SORL1: variants seen among roughly 807,000 people sequenced by gnomAD.
SORL1 encodes the protein sortilin-related receptor.
SORL1 carries 127 observed loss-of-function variants against 273.7 expected under a neutral mutation model. That is an observed-to-expected ratio of 0.46 (90% confidence interval 0.40 to 0.54). The LOEUF (loss-of-function observed/expected upper bound fraction) is 0.54, where lower values mean the gene tolerates loss of function less well. Among genes scored for constraint, SORL1 ranks in the 20% least tolerant of loss-of-function variants. The pLI is 0.00. For missense variants in SORL1, 2,494 were observed against 2,846.1 expected (o/e 0.88, Z 2.81); for synonymous variants, 1,031 against 1,067.4 (o/e 0.97, Z 0.66).
intron 32 of SORL1, among the ~76,000 whole-genome samples, chr11:121,602,664 G>C (rs1442022407): frequency 6.6e-6 from 1 of 152,146 alleles, no homozygotes; most frequent in African/African-American, 2.4e-5. Flanking sequence ...CACATGCCTG[G>C]GTCTGAAGTG....
intron 3 of SORL1, among the ~76,000 whole-genome samples, chr11:121,482,337 G>T (rs1036102143): frequency 6.6e-6 from 1 of 152,172 alleles, no homozygotes; most frequent in Non-Finnish European, 1.5e-5. Flanking sequence ...CCTCCGAGTG[G>T]TGTGTCTTAG....
At chr11:121,477,411 T>C (rs936165726) in intron 2 of SORL1, among the ~76,000 whole-genome samples, 9 of 152,312 alleles carry the variant, frequency 5.9e-5, no homozygotes, top group African/African-American at 2.2e-4. Flanking sequence ...GCAAAACAAA[T>C]CCTCCGTTCC....
At position 121,550,785 on chromosome 11, in the gene SORL1, C is replaced by A; in HGVS notation, c.2266+115C>A. On this transcript the variant is annotated intron_variant, in intron 16 of 47. Coordinates refer to ENST00000260197, the MANE Select transcript of SORL1 (RefSeq NM_003105.6). The surrounding 1 kb of genome is among the most constrained non-coding windows in gnomAD (Gnocchi z 5.3). ...TAATTGAGTGGAGAAAAACAATGGC[C>A]GTCACAAGCATCACAGGGCTTCCTC... is the stretch of plus-strand genomic sequence containing the variant. The A allele has an allele frequency of 1.3e-6, 1 of 761,258 alleles. No individual in the cohort carries two copies. The highest frequency in any genetic ancestry group is 1.8e-5 in the South Asian group (1 of 54,538). 47.2% of individuals were successfully genotyped at this position (761,258 alleles called of 1,614,324 possible). A position where few individuals can be genotyped will look rare whatever the true frequency, so the allele number is the denominator to read the frequency against.
chr11:121,530,330 C>A (rs1862184424), intron 11 of SORL1, among the ~76,000 whole-genome samples: 1 of 151,486 alleles, frequency 6.6e-6, no homozygotes, highest in Admixed American at 6.6e-5. Context: ...GTAGCGAGAT[C>A]TGTTGGCTGT....
Position 121,452,632 on chromosome 11 carries a change from A to G in SORL1, c.285+16A>G, listed in dbSNP as rs1219364464. 13 of 1,444,996 alleles carry G rather than the reference A, an allele frequency of 9.0e-6. No homozygotes were observed. Among genetic ancestry groups the G allele is most frequent in the African/African-American group, 3.0e-5 (2 of 67,576 alleles). The allele number at this position is 1,444,996 out of a possible 1,614,324, so 89.5% of individuals were successfully genotyped here. A position where few individuals can be genotyped will look rare whatever the true frequency, so the allele number is the denominator to read the frequency against. On this transcript the variant is annotated intron_variant, in intron 1 of 47. Transcript: ENST00000260197. The surrounding 1 kb of genome is among the most constrained non-coding windows in gnomAD (Gnocchi z 5.3). ...GTACGGACAGGTGAGCAGTTTTGCA[A>G]CCCGCCTCCCTCCAGTTTTTTCCTC...
chr11:121,485,610 C>T (rs532851427), intron 3 of SORL1, among the ~76,000 whole-genome samples: 99 of 152,212 alleles, frequency 6.5e-4, no homozygotes, highest in African/African-American at 2.3e-3. Flanking sequence ...TGACGGGGTG[C>T]GTGATTTTTG....
intron 37 of SORL1, 23 bp downstream of exon 37, chr11:121,607,313 GC>G (rs1863493017): frequency 1.5e-6 from 2 of 1,346,886 alleles, no homozygotes; most frequent in East Asian, 4.6e-5. Flanking sequence ...ATCCATTCCA[GC>G]CATCCATGCA....
rs922454755 is a variant in SORL1, at chr11:121,596,793, C to T, written c.4519+1021C>T. On this transcript the variant is annotated intron_variant, in intron 32 of 47. Coordinates refer to ENST00000260197, the MANE Select transcript of SORL1 (RefSeq NM_003105.6). This position sits in a 1 kb window ranked among gnomAD's most constrained non-coding sequence, Gnocchi z 4.3. Reference sequence around the variant, plus strand: ...AGCCCTAACCCTAAGCAGCAAACGCCTCAGTTCCTCCACTTTGATCCCTGT... The same window carrying T: ...AGCCCTAACCCTAAGCAGCAAACGCTTCAGTTCCTCCACTTTGATCCCTGT... 3.3e-5 allele frequency among the ~76,000 whole-genome samples: 5 copies of T among 152,192 alleles called. No homozygotes were observed. The highest frequency in any genetic ancestry group is 7.3e-5 in the Non-Finnish European group (5 of 68,036).
At chr11:121,552,918 G>A (rs1862525486) in intron 16 of SORL1, among the ~76,000 whole-genome samples, 2 of 152,196 alleles carry the variant, frequency 1.3e-5, no homozygotes, top group African/African-American at 4.8e-5. Flanking sequence ...TGTGCTGCTT[G>A]TGTCCACTCC....
At chr11:121,494,251 A>C (rs1238563880) in intron 5 of SORL1, among the ~76,000 whole-genome samples, 2 of 152,218 alleles carry the variant, frequency 1.3e-5, no homozygotes, top group East Asian at 3.8e-4. Context: ...ATTGAAGCTA[A>C]TGACATGTCG....
At chr11:121,570,830 A>T (rs1283793523) in intron 23 of SORL1, among the ~76,000 whole-genome samples, 1 of 152,196 alleles carries the variant, frequency 6.6e-6, no homozygotes, top group Non-Finnish European at 1.5e-5. Context: ...AATTTTTAAG[A>T]TCTGACTTCT....
chr11:121,596,566 G>C lies in SORL1; in HGVS notation c.4519+794G>C, dbSNP rs1215610214. On this transcript the variant is annotated intron_variant, in intron 32 of 47. Transcript: ENST00000260197. This position sits in a 1 kb window ranked among gnomAD's most constrained non-coding sequence, Gnocchi z 4.3. The stretch of plus-strand genomic sequence containing the variant: ...CACCGGCCTGCCTCTCTGACGGTTG[G>C]GTGCTGCTCTGGCTCGGGGATCCCT... 6.6e-6 allele frequency among the ~76,000 whole-genome samples: 1 copy of C among 152,216 alleles called. No homozygotes were observed. Among genetic ancestry groups the C allele is most frequent in the Non-Finnish European group, 1.5e-5 (1 of 68,036 alleles).
chr11:121,619,096 G>A (rs75439772), intron 42 of SORL1, among the ~76,000 whole-genome samples: 7,311 of 152,182 alleles, frequency 0.048, 337 homozygotes, highest in African/African-American at 0.12. Flanking sequence ...CTGCAGCTCC[G>A]TTATGGAGGA....
At chr11:121,495,566 T>G (rs1861617123) in intron 5 of SORL1, among the ~76,000 whole-genome samples, 1 of 152,180 alleles carries the variant, frequency 6.6e-6, no homozygotes, top group Non-Finnish European at 1.5e-5. Context: ...GGCCTTCTGC[T>G]TTTCCTTGAG....
At chr11:121,483,205 C>G (rs879838083) in intron 3 of SORL1, among the ~76,000 whole-genome samples, 2 of 152,216 alleles carry the variant, frequency 1.3e-5, no homozygotes, top group Non-Finnish European at 2.9e-5. Flanking sequence ...TCTGTCTCAG[C>G]CTTCCAAGTA....
At chr11:121,611,243 A>T in intron 39 of SORL1, 85 bp downstream of exon 39, 2 of 808,070 alleles carry the variant, frequency 2.5e-6, no homozygotes, top group Non-Finnish European at 4.1e-6. Context: ...AAGACTGGAA[A>T]AAAACAAAAA....
rs543567832 is a variant in SORL1 at position 121,583,280 on chromosome 11, G to T, written c.3581-178G>T. ...AAATCCATAGGCTCAAGTCCACCGA[G>T]GGAGCTGCCCAAGGTCAGCCCAAGT... On this transcript the variant is annotated intron_variant, in intron 25 of 47. Transcript: ENST00000260197. 3.9e-5 allele frequency among the ~76,000 whole-genome samples: 6 copies of T among 152,270 alleles called. No individual in the cohort carries two copies. The South Asian group carries it at 1.2e-3, about 32-fold the overall frequency.
At chr11:121,540,522 C>CAAAAAAAAAA (rs34608652) in intron 12 of SORL1, among the ~76,000 whole-genome samples, 19 of 103,808 alleles carry the variant, frequency 1.8e-4, no homozygotes, top group East Asian at 5.5e-4. Flanking sequence ...ACTAAAAATA[C>CAAAAAAAAAA]AAAAAAAAAA....
intron 25 of SORL1, among the ~76,000 whole-genome samples, chr11:121,577,729 C>A (rs1289587234): frequency 6.6e-6 from 1 of 152,216 alleles, no homozygotes; most frequent in Non-Finnish European, 1.5e-5. Flanking sequence ...TGAGTAAGCA[C>A]TGAACTAGCT....
Sources: gnomAD v4.1 joint callset for allele counts (sites outside exome capture counted in the v4.1 genomes callset) on GRCh38, gnomAD v4.1.1 for gene constraint, Gnocchi (gnomAD v3.1) non-coding constraint, MANE v1.5 for transcripts, NCBI Gene and HGNC (gene_info 2026-07-23, HGNC 2026-07-21) for gene names.